Variants in MAP4 observed in about 807,000 individuals in gnomAD.
MAP4 encodes microtubule associated protein 4, also known as microtubule-associated protein 4.
A neutral mutation model predicts 170.2 loss-of-function variants in MAP4; 76 were observed. That is an observed-to-expected ratio of 0.45 (90% CI 0.37 to 0.54). The LOEUF (loss-of-function observed/expected upper bound fraction) is 0.54, where lower values mean the gene tolerates loss of function less well. Ranked by LOEUF, MAP4 falls within the 20% of genes least tolerant of loss-of-function variation. The probability of loss-of-function intolerance (pLI) is 0.00; values close to 1 mark genes in which losing one functional copy is unlikely to be tolerated. For synonymous variants in MAP4, 909 were observed against 994.5 expected (o/e 0.91, Z 1.62); for missense variants, 2,506 against 2,748.0 (o/e 0.91, Z 1.97).
chr3:48,079,199 C>G (rs2100145331), intron 1 of MAP4, among the ~76,000 whole-genome samples: 1 of 151,926 alleles, frequency 6.6e-6, no homozygotes, highest in East Asian at 1.9e-4. Context: ...CTGAAATGCT[C>G]CAAAATCTAA....
chr3:47,965,326 T>C (rs189025689), intron 3 of MAP4, among the ~76,000 whole-genome samples: 17 of 152,324 alleles, frequency 1.1e-4, no homozygotes, highest in Admixed American at 4.6e-4. Context: ...GTTGCTTCCA[T>C]CTTTTGGCCA....
intron 2 of MAP4, among the ~76,000 whole-genome samples, chr3:47,981,647 C>T (rs550947620): frequency 2.0e-5 from 3 of 151,594 alleles, no homozygotes; most frequent in African/African-American, 4.8e-5. Context: ...GCGTGTGAAT[C>T]ACAACTACTC....
chr3:48,077,391 A>T (rs2100144467), intron 1 of MAP4, among the ~76,000 whole-genome samples: 1 of 151,354 alleles, frequency 6.6e-6, no homozygotes, highest in Non-Finnish European at 1.5e-5. Flanking sequence ...GGTTGCCATG[A>T]GCTGAGATCG....
chr3:47,928,845 C>T (rs1309710891), intron 3 of MAP4, among the ~76,000 whole-genome samples: 1 of 148,756 alleles, frequency 6.7e-6, no homozygotes, highest in African/African-American at 2.5e-5. Flanking sequence ...AAAAAGCCAG[C>T]CTAAATAAGT....
At chr3:47,996,206 G>GTA (rs1429703293) in intron 2 of MAP4, among the ~76,000 whole-genome samples, 1 of 152,162 alleles carries the variant, frequency 6.6e-6, no homozygotes, top group Non-Finnish European at 1.5e-5. Flanking sequence ...AAGACCGGCT[G>GTA]TAGCTAGGGA....
chr3:47,879,024 A>C (rs1271455789), intron 10 of MAP4, among the ~76,000 whole-genome samples: 1 of 152,240 alleles, frequency 6.6e-6, no homozygotes, highest in Non-Finnish European at 1.5e-5. Context: ...ACCAATTTCT[A>C]GTAATTTATC....
chr3:48,022,326 A>T (rs553066546), intron 1 of MAP4, among the ~76,000 whole-genome samples: 2 of 152,172 alleles, frequency 1.3e-5, no homozygotes, highest in East Asian at 1.9e-4. Flanking sequence ...AGCAAAAAGA[A>T]GATGATGAGG....
rs1031985002 is a variant in MAP4 at position 47,912,109 on chromosome 3, T to C, written c.2312A>G (p.Lys771Arg). Residue 771 changes from lysine to arginine, a missense_variant, in exon 9 of 21, where the codon AAG becomes AGG. Physicochemically the swap from Lys to Arg is conservative, Grantham distance 26. Transcript: ENST00000683076. ...IESTPIMMKK[K>R]KKKPKQKRYS... is the part of the protein sequence containing the mutation. Reference sequence around the variant, plus strand: ...TCTCTTTTGCTTTGGTTTCTTCTTCTTTTTCTTCATCATTATTGGTGTGCT... The same window carrying C: ...TCTCTTTTGCTTTGGTTTCTTCTTCCTTTTCTTCATCATTATTGGTGTGCT... 1.3e-6 allele frequency: 2 copies of C among 1,536,072 alleles called. No individual in the cohort carries two copies. Among genetic ancestry groups the C allele is most frequent in the African/African-American group, 1.4e-5 (1 of 73,064 alleles).
intron 1 of MAP4, among the ~76,000 whole-genome samples, chr3:48,075,590 T>C (rs980634281): frequency 1.3e-5 from 2 of 151,886 alleles, no homozygotes; most frequent in Admixed American, 1.3e-4. Flanking sequence ...ACATGGATGC[T>C]AAGATGATAC....
intron 1 of MAP4, among the ~76,000 whole-genome samples, chr3:48,030,360 T>G (rs1327202424): frequency 2.6e-5 from 4 of 151,948 alleles, no homozygotes; most frequent in Non-Finnish European, 5.9e-5. Context: ...TCTAATACCA[T>G]TCTCTGATAA....
chr3:47,990,724 G>A (rs1016619970), intron 2 of MAP4, among the ~76,000 whole-genome samples: 9 of 152,042 alleles, frequency 5.9e-5, no homozygotes, highest in Admixed American at 4.6e-4. Context: ...TAAGAGAAAG[G>A]GTTCTATCTT....
chr3:47,980,039 C>A (rs1483933725), intron 2 of MAP4, among the ~76,000 whole-genome samples: 2 of 151,842 alleles, frequency 1.3e-5, no homozygotes, highest in East Asian at 3.9e-4. Context: ...CCCTATGTTT[C>A]CCAGACTGCT....
chr3:47,937,850 C>T (rs1448658587), intron 3 of MAP4, among the ~76,000 whole-genome samples: 9 of 150,210 alleles, frequency 6.0e-5, no homozygotes, highest in Non-Finnish European at 1.2e-4. Flanking sequence ...TTAGTAGAGA[C>T]GAGGTTTCAC....
chr3:47,853,464 AC>A (rs2048328220), intron 19 of MAP4, 112 bp from the exon 20 acceptor site: 1 of 791,662 alleles, frequency 1.3e-6, no homozygotes, highest in African/African-American at 1.7e-5. Flanking sequence ...CCTGGCACCC[AC>A]TGGCTCAAGG....
chr3:48,079,946 T>G (rs1220414310), intron 1 of MAP4, among the ~76,000 whole-genome samples: 2 of 142,924 alleles, frequency 1.4e-5, no homozygotes, highest in Admixed American at 1.4e-4. Context: ...TGAGACTCCG[T>G]CTCAAAAAAA....
chr3:47,952,525 A>G (rs1369370844), intron 3 of MAP4, among the ~76,000 whole-genome samples: 1 of 152,110 alleles, frequency 6.6e-6, no homozygotes, highest in Non-Finnish European at 1.5e-5. Context: ...GGGAGACTTC[A>G]TTTTGTTCTG....
At chr3:48,022,282 T>C (rs1257528522) in intron 1 of MAP4, among the ~76,000 whole-genome samples, 1 of 151,242 alleles carries the variant, frequency 6.6e-6, no homozygotes, top group Non-Finnish European at 1.5e-5. Flanking sequence ...ATGGAGAGAG[T>C]AGAGAGACAG....
intron 17 of MAP4, among the ~76,000 whole-genome samples, chr3:47,862,481 C>A (rs185790482): frequency 4.7e-5 from 7 of 149,242 alleles, no homozygotes; most frequent in Admixed American, 1.3e-4. Context: ...TCAATTTTTT[C>A]CTTTTTTTTT....
intron 13 of MAP4, 133 bp downstream of exon 13, chr3:47,871,784 T>C (rs1228926353): frequency 2.6e-6 from 2 of 774,376 alleles, no homozygotes; most frequent in East Asian, 2.6e-5. Flanking sequence ...CTGTTCCAGG[T>C]AGTCCACTAA....
Sources: allele counts gnomAD v4.1 joint callset (sites outside exome capture counted in the v4.1 genomes callset), GRCh38; gene constraint gnomAD v4.1.1; transcripts MANE v1.5; gene names NCBI Gene and HGNC (gene_info 2026-07-23, HGNC 2026-07-21).